PLEKHM1: variants seen among roughly 807,000 people sequenced by gnomAD.
PLEKHM1 encodes pleckstrin homology and RUN domain containing M1, also known as pleckstrin homology domain-containing family M member 1.
In PLEKHM1, 28 loss-of-function variants were observed where a neutral mutation model predicts 94.3. That is an observed-to-expected ratio of 0.30 (90% CI 0.22 to 0.41). The LOEUF is 0.41. PLEKHM1 is among the 10% of genes least tolerant of loss of function. PLEKHM1 has a pLI of 1.00. For synonymous variants in PLEKHM1, 424 were observed against 581.2 expected (o/e 0.73, Z 3.89); for missense variants, 907 against 1,358.6 (o/e 0.67, Z 5.22).
chr17:45,437,154 C>A lies in PLEKHM1; in HGVS notation c.*704G>T, dbSNP rs766766464. 3 of 453,274 alleles carry A rather than the reference C, an allele frequency of 6.6e-6. No homozygotes were observed. The Admixed American group carries it at 7.1e-5, about 11-fold the overall frequency. The allele number at this position is 453,274 out of a possible 1,614,324, so 28.1% of individuals were successfully genotyped here. A position where few individuals can be genotyped will look rare whatever the true frequency, so the allele number is the denominator to read the frequency against. ...GCTAGGGGCTCTGACGCTGAGAAAG[C>A]GGTGGGCTCAGCAGGCGAGACGCAC... On this transcript the variant is annotated 3_prime_UTR_variant, in exon 12 of 12. Transcript: ENST00000430334. The surrounding 1 kb of genome is among the most constrained non-coding windows in gnomAD (Gnocchi z 4.0).
Position 45,437,660 on chromosome 17 carries a change from T to TG in PLEKHM1, c.*197dup. 3.0e-6 allele frequency: 2 copies of TG among 657,338 alleles called. No homozygotes were observed. Among genetic ancestry groups the TG allele is most frequent in the Non-Finnish European group, 5.5e-6 (2 of 362,032 alleles). 40.7% of individuals were successfully genotyped at this position (657,338 alleles called of 1,614,324 possible). On this transcript the variant is annotated 3_prime_UTR_variant, in exon 12 of 12. Coordinates refer to ENST00000430334, the MANE Select transcript of PLEKHM1 (RefSeq NM_014798.3). This position sits in a 1 kb window ranked among gnomAD's most constrained non-coding sequence, Gnocchi z 4.0. ...GGCCACGCCTCCTGCAGCAGAGGGGTGGGGGGAGGGCCAGGGGACACCACG... is the reference window on the plus strand; with the variant it reads ...GGCCACGCCTCCTGCAGCAGAGGGGTGGGGGGGAGGGCCAGGGGACACCACG...
At position 45,436,388 on chromosome 17, in the gene PLEKHM1, G is replaced by A. The variant is rs1333753448; in HGVS notation, c.*1470C>T. The A allele has an allele frequency of 2.2e-6, 1 of 454,066 alleles. No individual in the cohort carries two copies. The highest frequency in any genetic ancestry group is 4.4e-6 in the Non-Finnish European group (1 of 226,798). 28.1% of individuals were successfully genotyped at this position (454,066 alleles called of 1,614,324 possible). A position where few individuals can be genotyped will look rare whatever the true frequency, so the allele number is the denominator to read the frequency against. On this transcript the variant is annotated 3_prime_UTR_variant, in exon 12 of 12. Coordinates refer to ENST00000430334, the MANE Select transcript of PLEKHM1 (RefSeq NM_014798.3). ...CAGCCTCCACCTGCCTGCCACCGTTGCCTCTGTTCTGCTGCACAGGCATCC... is the reference window on the plus strand; with the variant it reads ...CAGCCTCCACCTGCCTGCCACCGTTACCTCTGTTCTGCTGCACAGGCATCC...
At chr17:45,486,248 AT>A (rs2052123125) in intron 1 of PLEKHM1, among the ~76,000 whole-genome samples, 2 of 148,184 alleles carry the variant, frequency 1.3e-5, no homozygotes, top group Non-Finnish European at 3.0e-5. Context: ...AAAAATAATA[AT>A]AATAATAATA....
At chr17:45,450,084 C>T (rs1425431250) in intron 8 of PLEKHM1, among the ~76,000 whole-genome samples, 2 of 151,650 alleles carry the variant, frequency 1.3e-5, no homozygotes, top group African/African-American at 4.8e-5. Context: ...CACCTAACCA[C>T]CTGCTCATTC....
intron 8 of PLEKHM1, among the ~76,000 whole-genome samples, chr17:45,447,658 C>T (rs766289764): frequency 1.2e-4 from 19 of 152,020 alleles, no homozygotes; most frequent in Non-Finnish European, 1.9e-4. Flanking sequence ...ACAGCAACGG[C>T]GAACAATAAG....
chr17:45,442,467 G>A (rs1162299002), intron 9 of PLEKHM1, among the ~76,000 whole-genome samples: 7 of 152,132 alleles, frequency 4.6e-5, no homozygotes, highest in Admixed American at 1.3e-4. Flanking sequence ...GTGCAGTGGC[G>A]TGATCTTGGC....
At chr17:45,454,295 G>A in intron 6 of PLEKHM1, 23 bp from the exon 7 acceptor site, 4 of 1,574,388 alleles carry the variant, frequency 2.5e-6, no homozygotes, top group Non-Finnish European at 3.5e-6. Flanking sequence ...GCAAAAAGGG[G>A]CACATTAGTT....
chr17:45,452,864 C>T (rs1198149670), intron 7 of PLEKHM1: 1 of 198,512 alleles, frequency 5.0e-6, no homozygotes, highest in Non-Finnish European at 1.1e-5. Flanking sequence ...CTACATGGCT[C>T]GCAGCTATGG....
At position 45,444,740 on chromosome 17, in the gene PLEKHM1, A is replaced by C. The variant is rs1488329453; in HGVS notation, c.2837+730T>G. On this transcript the variant is annotated intron_variant, in intron 9 of 11. Transcript: ENST00000430334. The surrounding 1 kb of genome is among the most constrained non-coding windows in gnomAD (Gnocchi z 5.0). Reference sequence around the variant, plus strand: ...TTTCCCCCTTTGCTTCTCCTTTCTGATTCTTCCTAATTTTTCAAGTCTCAC... The same window carrying C: ...TTTCCCCCTTTGCTTCTCCTTTCTGCTTCTTCCTAATTTTTCAAGTCTCAC... Among the ~76,000 whole-genome samples, 1 of 150,644 alleles carries C rather than the reference A, an allele frequency of 6.6e-6. No individual in the cohort carries two copies. The highest frequency in any genetic ancestry group is 1.5e-5 in the Non-Finnish European group (1 of 67,708).
chr17:45,460,703 A>T (rs1391070936), intron 5 of PLEKHM1, among the ~76,000 whole-genome samples: 1 of 152,112 alleles, frequency 6.6e-6, no homozygotes, highest in African/African-American at 2.4e-5. Context: ...GACTACAGGC[A>T]TGCACCAGCA....
In PLEKHM1 at chr17:45,468,320, A is replaced by T; in HGVS notation, c.1197T>A (p.Ser399=). The T allele has an allele frequency of 6.2e-7, 1 of 1,613,758 alleles. No individual in the cohort carries two copies. The highest frequency in any genetic ancestry group is 8.5e-7 in the Non-Finnish European group (1 of 1,179,900). ...CTCTGGCTGTCTCGCTGACAGTACT[A>T]GAAGGCTGCTGGCCTGAGGTGCTCT... ...PVESTSGQQP[S]STVSETAREV... The change falls in exon 5 of 12, where the codon TCT becomes TCA. Residue 399 remains serine (S), a synonymous_variant. Transcript: ENST00000430334.
rs186312156 is a variant in PLEKHM1, at chr17:45,488,282, C to T, written c.-42+2370G>A. ...AGAGGATTCTAACAAGGACCAAACTCTGAATGAATGAAAACAGGACCGTTG... is the reference window on the plus strand; with the variant it reads ...AGAGGATTCTAACAAGGACCAAACTTTGAATGAATGAAAACAGGACCGTTG... On this transcript the variant is annotated intron_variant, in intron 1 of 11. Transcript: ENST00000430334. Among the ~76,000 whole-genome samples the T allele has an allele frequency of 1.2e-3, 180 of 152,284 alleles. 1 individual carries two copies. The highest frequency in any genetic ancestry group is 2.8e-3 in the Admixed American group (43 of 15,288).
At position 45,468,145 on chromosome 17, in the gene PLEKHM1, T is replaced by C. The variant is rs2051377532; in HGVS notation, c.1308+64A>G. The C allele has an allele frequency of 5.0e-6, 8 of 1,608,456 alleles. No homozygotes were observed. In the East Asian group the frequency reaches 1.8e-4, roughly 36 times the overall value. ...GCAGAGACCACTCAGGGTCACTAGC[T>C]GGGGAAACCCTGTGTCAGCTGACAT... is the stretch of plus-strand genomic sequence containing the variant. On this transcript the variant is annotated intron_variant, in intron 5 of 11. Transcript: ENST00000430334.
chr17:45,445,619 C>T lies in PLEKHM1; in HGVS notation c.2688G>A (p.Gln896=), dbSNP rs773118299. The T allele has an allele frequency of 5.0e-6, 8 of 1,613,594 alleles. No homozygotes were observed. The East Asian group carries it at 1.6e-4, about 31-fold the overall frequency. The change falls in exon 9 of 12, where the codon CAG becomes CAA. Residue 896 remains glutamine, a synonymous_variant. Coordinates refer to ENST00000430334, the MANE Select transcript of PLEKHM1 (RefSeq NM_014798.3). This position sits in a 1 kb window ranked among gnomAD's most constrained non-coding sequence, Gnocchi z 4.2. The stretch of plus-strand genomic sequence containing the variant: ...TCACCATCTGCAGGTTGATGAGGGG[C>T]TGGGCCCGGATCTGTGTCAGAAACT... ...ALKFLTQIRA[Q]PLINLQMVNA...
Position 45,468,374 on chromosome 17 carries a change from G to T in PLEKHM1, c.1143C>A (p.Pro381=), listed in dbSNP as rs763507030. The T allele has an allele frequency of 6.2e-6, 10 of 1,614,022 alleles. No individual in the cohort carries two copies. The African/African-American group carries it at 1.1e-4, about 17-fold the overall frequency. Residue 381 remains proline, a synonymous_variant, in exon 5 of 12, where the codon CCC becomes CCA. Transcript: ENST00000430334. ...VHVQEPRPQA[P]SPLDLQQPVE... is the part of the protein sequence containing the mutation. Reference sequence around the variant, plus strand: ...CAGGCTGCTGTAAGTCCAGGGGGCTGGGCGCCTGGGGACGCGGCTCCTGCA... The same window carrying T: ...CAGGCTGCTGTAAGTCCAGGGGGCTTGGCGCCTGGGGACGCGGCTCCTGCA...
chr17:45,439,740 G>A (rs2050383618), intron 10 of PLEKHM1, 106 bp from the exon 11 acceptor site: 2 of 1,449,342 alleles, frequency 1.4e-6, no homozygotes, highest in Non-Finnish European at 1.9e-6. Context: ...AGGTGCCATG[G>A]CACCCTGCCT....
chr17:45,471,024 G>A (rs529414822), intron 4 of PLEKHM1, among the ~76,000 whole-genome samples: 1 of 29,592 alleles, frequency 3.4e-5, no homozygotes, highest in South Asian at 1.4e-3. Context: ...TCAAAGAATG[G>A]GGGGAAATAT....
At chr17:45,463,291 G>A (rs1427836283) in intron 5 of PLEKHM1, among the ~76,000 whole-genome samples, 2 of 152,138 alleles carry the variant, frequency 1.3e-5, no homozygotes, top group African/African-American at 4.8e-5. Flanking sequence ...ACATGGGCCT[G>A]GACAGAGCTC....
chr17:45,435,753 C>G (rs1231550621), downstream of PLEKHM1: 1 of 348,600 alleles, frequency 2.9e-6, no homozygotes, highest in East Asian at 7.5e-5. Flanking sequence ...TGCAAGCCCT[C>G]TGCCTACAAG....
Sources: gnomAD v4.1 joint callset for allele counts (sites outside exome capture counted in the v4.1 genomes callset) on GRCh38, gnomAD v4.1.1 for gene constraint, Gnocchi (gnomAD v3.1) non-coding constraint, MANE v1.5 for transcripts, NCBI Gene and HGNC (gene_info 2026-07-23, HGNC 2026-07-21) for gene names.